FGD4: variants seen among roughly 807,000 people sequenced by gnomAD.
The protein encoded by FGD4 is FYVE, RhoGEF and PH domain containing 4, also known as FYVE, RhoGEF and PH domain-containing protein 4.
In FGD4, 42 loss-of-function variants were observed where a neutral mutation model predicts 102.0. The ratio of observed to expected loss-of-function variants is 0.41; its 90% CI spans 0.32 to 0.53. The LOEUF is 0.53. Among genes scored for constraint, FGD4 ranks in the 20% least tolerant of loss-of-function variants. The pLI is 0.21. For synonymous variants in FGD4, 380 were observed against 375.7 expected, an observed-to-expected ratio of 1.01 and a Z score of -0.13; for missense variants, 902 against 1,078.2, an observed-to-expected ratio of 0.84 and a Z score of 2.29.
At chr12:32,501,869 G>A (rs2136622625) in intron 1 of FGD4, among the ~76,000 whole-genome samples, 1 of 152,300 alleles carries the variant, frequency 6.6e-6, no homozygotes, top group Admixed American at 6.5e-5. Context: ...CTTTCTCCCT[G>A]AATGAGCAGA....
intron 4 of FGD4, among the ~76,000 whole-genome samples, chr12:32,587,471 AC>A (rs1370108709): frequency 6.6e-6 from 1 of 151,324 alleles, no homozygotes; most frequent in Non-Finnish European, 1.5e-5. Context: ...GCTCACTACA[AC>A]CTCCACGTCC....
chr12:32,468,470 T>C (rs1337095063), intron 1 of FGD4, among the ~76,000 whole-genome samples: 1 of 152,182 alleles, frequency 6.6e-6, no homozygotes, highest in Non-Finnish European at 1.5e-5. Context: ...AGCATGAATA[T>C]TGAAAACATT....
At chr12:32,434,478 G>A (rs1942160318) in intron 1 of FGD4, among the ~76,000 whole-genome samples, 1 of 152,122 alleles carries the variant, frequency 6.6e-6, no homozygotes, top group South Asian at 2.1e-4. Context: ...TTGTACACAC[G>A]AAAAATAAGT....
At chr12:32,481,774 T>C (rs1199763312) in intron 1 of FGD4, among the ~76,000 whole-genome samples, 1 of 151,074 alleles carries the variant, frequency 6.6e-6, no homozygotes, top group Non-Finnish European at 1.5e-5. Flanking sequence ...TGAGCCAAGA[T>C]TGTGCCACTG....
At chr12:32,477,337 T>A (rs1943607898) in intron 1 of FGD4, 1 of 152,344 alleles carries the variant, frequency 6.6e-6, no homozygotes, top group South Asian at 2.1e-4. Flanking sequence ...AGAAAACCTT[T>A]CCATATAAAG....
chr12:32,599,266 G>A (rs573294073), intron 5 of FGD4, among the ~76,000 whole-genome samples: 15 of 150,822 alleles, frequency 9.9e-5, no homozygotes, highest in African/African-American at 2.2e-4. Flanking sequence ...AGGCCGAGGC[G>A]GGCGGATCAC....
intron 15 of FGD4, among the ~76,000 whole-genome samples, chr12:32,638,240 G>A (rs1950963331): frequency 1.3e-5 from 2 of 152,186 alleles, no homozygotes; most frequent in Non-Finnish European, 2.9e-5. Flanking sequence ...GAGAGGCTGA[G>A]GCAGAGGATC....
At chr12:32,426,709 T>C (rs1941849696) in intron 1 of FGD4, among the ~76,000 whole-genome samples, 1 of 152,150 alleles carries the variant, frequency 6.6e-6, no homozygotes, top group South Asian at 2.1e-4. Context: ...TTTTTTTGGT[T>C]GGTAGTCTAT....
intron 1 of FGD4, among the ~76,000 whole-genome samples, chr12:32,464,209 C>G (rs777205595): frequency 4.6e-5 from 7 of 152,110 alleles, no homozygotes; most frequent in Non-Finnish European, 8.8e-5. Flanking sequence ...CTAGTGTGCA[C>G]TGGTGCAATC....
At chr12:32,408,773 T>G (rs1347414491) in intron 1 of FGD4, among the ~76,000 whole-genome samples, 3 of 152,210 alleles carry the variant, frequency 2.0e-5, no homozygotes, top group Non-Finnish European at 4.4e-5. Flanking sequence ...CAGCACCTAT[T>G]TTCAGCCCTT....
At chr12:32,433,400 G>A (rs572296087) in intron 1 of FGD4, among the ~76,000 whole-genome samples, 73 of 151,894 alleles carry the variant, frequency 4.8e-4, no homozygotes, top group Non-Finnish European at 9.7e-4. Flanking sequence ...CCAGGCTGGA[G>A]TTCAGTGGCT....
intron 1 of FGD4, among the ~76,000 whole-genome samples, chr12:32,510,099 T>C (rs1034383084): frequency 3.9e-5 from 6 of 152,220 alleles, no homozygotes; most frequent in African/African-American, 1.4e-4. Flanking sequence ...GCTTTAAAAA[T>C]GTTTTTCACA....
intron 4 of FGD4, among the ~76,000 whole-genome samples, chr12:32,593,581 T>A (rs925640995): frequency 6.6e-6 from 1 of 152,238 alleles, no homozygotes; most frequent in African/African-American, 2.4e-5. Context: ...AGCTAAAGCA[T>A]GCTTTGCAGT....
chr12:32,479,078 A>C (rs1943655369), intron 1 of FGD4, among the ~76,000 whole-genome samples: 1 of 152,242 alleles, frequency 6.6e-6, no homozygotes, highest in South Asian at 2.1e-4. Context: ...GTGAACTAGT[A>C]AAATGTTAAC....
chr12:32,431,676 G>C (rs541072872), intron 1 of FGD4, among the ~76,000 whole-genome samples: 1 of 151,998 alleles, frequency 6.6e-6, no homozygotes, highest in African/African-American at 2.4e-5. Flanking sequence ...GGGAGGCTGA[G>C]GCGGGTAGAT....
At chr12:32,534,995 C>A (rs901979563) in intron 1 of FGD4, among the ~76,000 whole-genome samples, 1 of 152,122 alleles carries the variant, frequency 6.6e-6, no homozygotes, top group Admixed American at 6.6e-5. Flanking sequence ...CTGTAAAAGA[C>A]AACATTGTAG....
chr12:32,625,725 A>G lies in FGD4; in HGVS notation c.2118A>G (p.Lys706=), dbSNP rs1565922618. 6.2e-7 allele frequency: 1 copy of G among 1,613,976 alleles called. No individual in the cohort carries two copies. Among genetic ancestry groups the G allele is most frequent in the African/African-American group, 1.3e-5 (1 of 74,920 alleles). Reference sequence around the variant, plus strand: ...AAGTGACAATGTGTATGAAATGTAAAGAACCTTTCAATGCACTGACACGAA... The same window carrying G: ...AAGTGACAATGTGTATGAAATGTAAGGAACCTTTCAATGCACTGACACGAA... The part of the protein sequence containing the change: ...DNEVTMCMKC[K]EPFNALTRRR... The change falls in exon 14 of 17, where the codon AAA becomes AAG. Residue 706 remains lysine, a synonymous_variant. Coordinates refer to ENST00000534526, the MANE Select transcript of FGD4 (RefSeq NM_001370298.3).
intron 2 of FGD4, among the ~76,000 whole-genome samples, chr12:32,573,316 C>T (rs550781217): frequency 8.5e-5 from 13 of 152,184 alleles, no homozygotes; most frequent in African/African-American, 3.1e-4. Flanking sequence ...AGGTTGGTCT[C>T]GATCTCCTGA....
chr12:32,412,023 G>A (rs138773759), intron 1 of FGD4, among the ~76,000 whole-genome samples: 6 of 152,294 alleles, frequency 3.9e-5, no homozygotes, highest in East Asian at 1.9e-4. Context: ...ATTTATTAAC[G>A]TGCACACGTG....
Sources: allele counts gnomAD v4.1 joint callset (sites outside exome capture counted in the v4.1 genomes callset), GRCh38; gene constraint gnomAD v4.1.1; transcripts MANE v1.5; gene names NCBI Gene and HGNC (gene_info 2026-07-23, HGNC 2026-07-21).